The following FAR2 variants were observed in gnomAD, a reference collection of about 807,000 sequenced individuals.
FAR2 encodes epididymis secretory protein Li 81.
In FAR2, 19 loss-of-function variants were observed where a neutral mutation model predicts 56.0. The observed-to-expected ratio is 0.34, with a 90% CI of 0.24 to 0.50. FAR2 has a LOEUF of 0.50. FAR2 is among the 20% of genes least tolerant of loss of function. The probability of loss-of-function intolerance (pLI) is 0.98; values close to 1 mark genes in which losing one functional copy is unlikely to be tolerated. For synonymous variants in FAR2, 219 were observed against 218.8 expected, an observed-to-expected ratio of 1.00 and a Z score of -0.01; for missense variants, 508 against 642.2, an observed-to-expected ratio of 0.79 and a Z score of 2.26.
intron 1 of FAR2, among the ~76,000 whole-genome samples, chr12:29,201,962 A>G (rs1007946755): frequency 6.6e-6 from 1 of 152,166 alleles, no homozygotes; most frequent in African/African-American, 2.4e-5. Context: ...GCTTTGGATG[A>G]TGACTCTCAG....
rs572511187 is a variant in FAR2 at position 29,154,236 on chromosome 12, T to C, written c.-39+4829T>C. Among the ~76,000 whole-genome samples, 16 of 152,336 alleles carry C rather than the reference T, an allele frequency of 1.1e-4. No individual in the cohort carries two copies. The East Asian group carries it at 3.1e-3, about 29-fold the overall frequency. On this transcript the variant is annotated intron_variant, in intron 1 of 11. Coordinates refer to ENST00000536681, the MANE Select transcript of FAR2 (RefSeq NM_001271783.2). ...TATTCCAAAACATAATTTACTCCCC[T>C]GCTTAAAACCCTGTCATTCCTCTGC...
At chr12:29,308,607 TAAA>T (rs1176722499) in intron 5 of FAR2, among the ~76,000 whole-genome samples, 3 of 151,726 alleles carry the variant, frequency 2.0e-5, no homozygotes, top group Non-Finnish European at 4.4e-5. Flanking sequence ...GAAACAAACT[TAAA>T]AACACATTTC....
At chr12:29,324,721 G>T (rs1949615020) in intron 10 of FAR2, among the ~76,000 whole-genome samples, 1 of 152,082 alleles carries the variant, frequency 6.6e-6, no homozygotes, top group Non-Finnish European at 1.5e-5. Flanking sequence ...TCACCACCAG[G>T]CCTGCCCTAA....
At chr12:29,249,364 G>C (rs7299663) in intron 1 of FAR2, among the ~76,000 whole-genome samples, 1 of 152,060 alleles carries the variant, frequency 6.6e-6, no homozygotes, top group African/African-American at 2.4e-5. Flanking sequence ...TTTATTAATC[G>C]TTGGTATGCT....
At chr12:29,197,580 T>G (rs1950153634) in intron 1 of FAR2, among the ~76,000 whole-genome samples, 1 of 152,188 alleles carries the variant, frequency 6.6e-6, no homozygotes, top group Non-Finnish European at 1.5e-5. Context: ...GAGCACTTCC[T>G]GAATGTTTGA....
At chr12:29,255,023 A>G (rs1242752433) in intron 1 of FAR2, among the ~76,000 whole-genome samples, 1 of 152,046 alleles carries the variant, frequency 6.6e-6, no homozygotes, top group Non-Finnish European at 1.5e-5. Context: ...TATTTGACTC[A>G]CTAGTCAAAA....
intron 2 of FAR2, among the ~76,000 whole-genome samples, chr12:29,271,130 C>G (rs775044581): frequency 3.9e-5 from 6 of 152,058 alleles, no homozygotes; most frequent in Admixed American, 3.9e-4. Flanking sequence ...TTTATGGGAA[C>G]TTTTGATATT....
intron 1 of FAR2, among the ~76,000 whole-genome samples, chr12:29,225,530 G>A (rs1190940219): frequency 6.6e-6 from 1 of 152,034 alleles, no homozygotes; most frequent in Non-Finnish European, 1.5e-5. Context: ...TAAAAAATTC[G>A]CATATTTTTT....
At chr12:29,274,746 C>G (rs1948678632) in intron 2 of FAR2, among the ~76,000 whole-genome samples, 1 of 151,774 alleles carries the variant, frequency 6.6e-6, no homozygotes, top group Non-Finnish European at 1.5e-5. Context: ...AAATCTCCGC[C>G]ACTGAGTACC....
Position 29,293,416 on chromosome 12 carries a change from C to T in FAR2, c.306C>T (p.Leu102=), listed in dbSNP as rs747921778. ...AISKEDMQEL[L]SCTNIIFHCA... is the part of the protein sequence containing the mutation. ...GCAAAGAGGACATGCAGGAGCTTCTCTCCTGTACAAACATAATATTTCACT... is the reference window on the plus strand; with the variant it reads ...GCAAAGAGGACATGCAGGAGCTTCTTTCCTGTACAAACATAATATTTCACT... The change falls in exon 3 of 12, where the codon CTC becomes CTT. Residue 102 remains leucine, a synonymous_variant. Transcript: ENST00000536681. The T allele has an allele frequency of 6.2e-7, 1 of 1,611,346 alleles. No homozygotes were observed.
intron 1 of FAR2, among the ~76,000 whole-genome samples, chr12:29,248,347 A>G (rs1458891583): frequency 6.6e-6 from 1 of 152,156 alleles, no homozygotes; most frequent in Non-Finnish European, 1.5e-5. Flanking sequence ...AAAAGAGAGA[A>G]ATTTTTAAGC....
chr12:29,316,407 C>G (rs1051464157), intron 8 of FAR2, among the ~76,000 whole-genome samples: 1 of 152,096 alleles, frequency 6.6e-6, no homozygotes, highest in African/African-American at 2.4e-5. Flanking sequence ...TTTACTTAAA[C>G]CTTTAATAAA....
chr12:29,160,155 A>G (rs1949769212), intron 1 of FAR2, among the ~76,000 whole-genome samples: 1 of 152,222 alleles, frequency 6.6e-6, no homozygotes, highest in African/African-American at 2.4e-5. Flanking sequence ...TAAGTGGGCC[A>G]TTTTAGTTCC....
At chr12:29,209,082 T>TAA (rs553750318) in intron 1 of FAR2, among the ~76,000 whole-genome samples, 2 of 137,490 alleles carry the variant, frequency 1.5e-5, no homozygotes, top group South Asian at 2.3e-4. Flanking sequence ...GAACTAATCT[T>TAA]AAAAAAAAAA....
intron 1 of FAR2, among the ~76,000 whole-genome samples, chr12:29,232,825 A>ACACACG (rs1947880900): frequency 6.6e-6 from 1 of 151,002 alleles, no homozygotes; most frequent in South Asian, 2.1e-4. Context: ...GCTCGCGCAC[A>ACACACG]CACACACACA....
chr12:29,213,075 T>C (rs1463214232), intron 1 of FAR2, among the ~76,000 whole-genome samples: 2 of 152,124 alleles, frequency 1.3e-5, no homozygotes, highest in Non-Finnish European at 2.9e-5. Context: ...CAAACTTCCT[T>C]CCCATATATA....
chr12:29,230,914 G>T (rs1352191909), intron 1 of FAR2, among the ~76,000 whole-genome samples: 2 of 152,184 alleles, frequency 1.3e-5, no homozygotes, highest in Non-Finnish European at 2.9e-5. Flanking sequence ...AAGTACTGTG[G>T]TGGGTAGAGT....
Position 29,204,876 on chromosome 12 carries a change from C to T in FAR2, c.-39+55469C>T, listed in dbSNP as rs151322802. 5.3e-5 allele frequency among the ~76,000 whole-genome samples: 8 copies of T among 152,236 alleles called. No homozygotes were observed. The East Asian group carries it at 1.5e-3, about 29-fold the overall frequency. On this transcript the variant is annotated intron_variant, in intron 1 of 11. Coordinates refer to ENST00000536681, the MANE Select transcript of FAR2 (RefSeq NM_001271783.2). The stretch of plus-strand genomic sequence containing the variant: ...ACAGCACCAAGGAGATGGTGCTAAC[C>T]CATTCATGAGAACTTCACTCCCATG...
intron 6 of FAR2, among the ~76,000 whole-genome samples, chr12:29,310,185 A>G (rs1245071210): frequency 6.6e-6 from 1 of 152,180 alleles, no homozygotes; most frequent in East Asian, 1.9e-4. Context: ...CATTATTTTA[A>G]CGTGATCCCA....
Sources: gnomAD v4.1 joint callset for allele counts (sites outside exome capture counted in the v4.1 genomes callset) on GRCh38, gnomAD v4.1.1 for gene constraint, MANE v1.5 for transcripts, NCBI Gene and HGNC (gene_info 2026-07-23, HGNC 2026-07-21) for gene names.